MFAP1: variants seen among roughly 807,000 people sequenced by gnomAD.
MFAP1 encodes microfibril associated protein 1.
In MFAP1, 18 loss-of-function variants were observed where a neutral mutation model predicts 62.2. The ratio of observed to expected loss-of-function variants is 0.29; its 90% CI spans 0.20 to 0.43. MFAP1 has a LOEUF of 0.43. MFAP1 is among the 20% of genes least tolerant of loss of function. The pLI is 1.00. For missense variants in MFAP1, 355 were observed against 559.7 expected (o/e 0.63, Z 3.69); for synonymous variants, 175 against 180.4 (o/e 0.97, Z 0.24).
chr15:43,822,104 C>A (rs942174062), intron 1 of MFAP1, among the ~76,000 whole-genome samples: 8 of 149,102 alleles, frequency 5.4e-5, no homozygotes, highest in African/African-American at 2.0e-4. Flanking sequence ...GACACATGAA[C>A]AAGATGCCCA....
At chr15:43,809,337 C>CAAAAAA (rs1170635608) in intron 7 of MFAP1, among the ~76,000 whole-genome samples, 1 of 109,588 alleles carries the variant, frequency 9.1e-6, no homozygotes, top group Non-Finnish European at 2.0e-5. Context: ...AAAAAATAAC[C>CAAAAAA]AAAAAAAAAA....
chr15:43,819,850 A>G (rs930353979), intron 1 of MFAP1, among the ~76,000 whole-genome samples: 1 of 152,204 alleles, frequency 6.6e-6, no homozygotes, highest in African/African-American at 2.4e-5. Context: ...TTCTCTTTAA[A>G]AATCAGTGGG....
intron 2 of MFAP1, among the ~76,000 whole-genome samples, chr15:43,815,831 G>A (rs1024641902): frequency 6.6e-6 from 1 of 151,832 alleles, no homozygotes; most frequent in Non-Finnish European, 1.5e-5. Flanking sequence ...ATGGAGTTTC[G>A]CCATATTGGC....
At position 43,815,031 on chromosome 15, in the gene MFAP1, C is replaced by G; in HGVS notation, c.343G>C (p.Glu115Gln). Residue 115 changes from glutamate (E) to glutamine (Q), a missense_variant, in exon 3 of 9, where the codon GAG becomes CAG. Glu to Gln is a conservative substitution (Grantham distance 29). Coordinates refer to ENST00000267812, the MANE Select transcript of MFAP1 (RefSeq NM_005926.3). ...RKIVEPEVVG[E>Q]SDSEVEGDAW... ...TCTCCTTCTACTTCTGAGTCACTCT[C>G]TCCTACCACTTCAGGTTCCACTATT... The G allele has an allele frequency of 6.2e-7, 1 of 1,614,218 alleles. No individual in the cohort carries two copies. Among genetic ancestry groups the G allele is most frequent in the East Asian group, 2.2e-5 (1 of 44,890 alleles).
intron 3 of MFAP1, 88 bp downstream of exon 3, chr15:43,814,857 C>A: frequency 1.3e-6 from 2 of 1,558,420 alleles, no homozygotes; most frequent in South Asian, 1.2e-5. Context: ...AAGCAGTGAT[C>A]TCATGTTTTT....
At chr15:43,819,932 C>T (rs1031075517) in intron 1 of MFAP1, among the ~76,000 whole-genome samples, 4 of 152,154 alleles carry the variant, frequency 2.6e-5, no homozygotes, top group African/African-American at 9.7e-5. Flanking sequence ...CGGATCACAA[C>T]GTCAGGAAAT....
intron 1 of MFAP1, among the ~76,000 whole-genome samples, chr15:43,821,391 A>G (rs756001145): frequency 2.6e-5 from 4 of 152,010 alleles, no homozygotes; most frequent in Non-Finnish European, 5.9e-5. Flanking sequence ...AATCATATGG[A>G]AGAACAGGAG....
intron 1 of MFAP1, among the ~76,000 whole-genome samples, chr15:43,819,083 C>T (rs564316859): frequency 3.1e-4 from 47 of 152,214 alleles, no homozygotes; most frequent in African/African-American, 1.1e-3. Flanking sequence ...ATCCAAGCTA[C>T]TCAGGTGGCT....
At chr15:43,807,640 G>A (rs374918287) in intron 7 of MFAP1, among the ~76,000 whole-genome samples, 3 of 151,906 alleles carry the variant, frequency 2.0e-5, no homozygotes, top group South Asian at 2.1e-4. Context: ...GAGCCACCGC[G>A]CCCGGCCCAA....
chr15:43,820,879 G>C (rs2087463109), intron 1 of MFAP1, among the ~76,000 whole-genome samples: 1 of 152,206 alleles, frequency 6.6e-6, no homozygotes, highest in Non-Finnish European at 1.5e-5. Context: ...AAAGTGCTGG[G>C]ATTACAGGCG....
At chr15:43,816,944 A>G (rs1567177269) in intron 2 of MFAP1, among the ~76,000 whole-genome samples, 2 of 152,162 alleles carry the variant, frequency 1.3e-5, no homozygotes, top group Admixed American at 6.6e-5. Flanking sequence ...TGTGTTTTCT[A>G]TTCCCATAAG....
chr15:43,810,167 G>T, intron 6 of MFAP1: 1 of 361,508 alleles, frequency 2.8e-6, no homozygotes, highest in Non-Finnish European at 4.9e-6. Context: ...TACTATTACT[G>T]CTGGGTTTTC....
chr15:43,806,278 G>T (rs1227341416), intron 7 of MFAP1, among the ~76,000 whole-genome samples: 3 of 152,022 alleles, frequency 2.0e-5, no homozygotes, highest in Admixed American at 6.6e-5. Flanking sequence ...ATATTTTATT[G>T]GGACTTGAAA....
intron 1 of MFAP1, among the ~76,000 whole-genome samples, chr15:43,821,058 C>T (rs2087463959): frequency 6.6e-6 from 1 of 152,144 alleles, no homozygotes; most frequent in African/African-American, 2.4e-5. Flanking sequence ...ACAGGTACCA[C>T]CCAGGTAATT....
chr15:43,820,187 A>G (rs900087102), intron 1 of MFAP1, among the ~76,000 whole-genome samples: 1 of 151,988 alleles, frequency 6.6e-6, no homozygotes, highest in Non-Finnish European at 1.5e-5. Context: ...GTGTGGTGGC[A>G]CGCACCTGTA....
At chr15:43,822,673 C>A (rs146353721) in intron 1 of MFAP1, among the ~76,000 whole-genome samples, 11 of 152,126 alleles carry the variant, frequency 7.2e-5, no homozygotes, top group African/African-American at 2.7e-4. Context: ...CACGCCCAGC[C>A]TTTGTTTTAA....
rs570221741 is a variant in MFAP1, at chr15:43,810,117, A to G, written c.888-203T>C. 66 of 535,350 alleles carry G rather than the reference A, an allele frequency of 1.2e-4. No individual in the cohort carries two copies. The East Asian group carries it at 1.9e-3, about 15-fold the overall frequency. 33.2% of individuals were successfully genotyped at this position (535,350 alleles called of 1,614,324 possible). A position where few individuals can be genotyped will look rare whatever the true frequency, so the allele number is the denominator to read the frequency against. ...ATGTTTGCTAGACTAGGTATTGCCA[A>G]CTTTCAAAAGTTGATTCTAGCCCTT... On this transcript the variant is annotated intron_variant, in intron 6 of 8. Coordinates refer to ENST00000267812, the MANE Select transcript of MFAP1 (RefSeq NM_005926.3).
chr15:43,817,166 CTAT>C (rs59007225), intron 2 of MFAP1, 60 bp downstream of exon 2: 1,732 of 1,410,204 alleles, frequency 1.2e-3, no homozygotes, highest in Non-Finnish European at 1.4e-3. Context: ...CAAGTATTAG[CTAT>C]TATTATTATT....
chr15:43,805,432 T>C lies in MFAP1; in HGVS notation c.1081A>G (p.Ser361Gly). ...AAATGATCCTCCAGGGTAGGAGCGC[T>C]GAAATCTCTCTTGTATACTTCTTCA... ...EDEEVYKRDF[S>G]APTLEDHFNK... is the part of the protein sequence containing the mutation. The change falls in exon 8 of 9, where the codon AGC (serine) becomes GGC (glycine). Residue 361 changes from serine (S) to glycine (G), a missense_variant. Physicochemically the swap from Ser to Gly is moderately conservative, Grantham distance 56. Transcript: ENST00000267812. 1 of 1,613,736 alleles carries C rather than the reference T, an allele frequency of 6.2e-7. No individual in the cohort carries two copies. The highest frequency in any genetic ancestry group is 8.5e-7 in the Non-Finnish European group (1 of 1,179,938).
Sources: allele counts gnomAD v4.1 joint callset (sites outside exome capture counted in the v4.1 genomes callset), GRCh38; gene constraint gnomAD v4.1.1; transcripts MANE v1.5; gene names NCBI Gene and HGNC (gene_info 2026-07-23, HGNC 2026-07-21).